ERBB4: variants seen among roughly 807,000 people sequenced by gnomAD.
The protein encoded by ERBB4 is receptor tyrosine-protein kinase erbB-4.
In ERBB4, 42 loss-of-function variants were observed where a neutral mutation model predicts 158.0. That is an observed-to-expected ratio of 0.27 (90% CI 0.21 to 0.34). ERBB4 has a LOEUF of 0.34. Among genes scored for constraint, ERBB4 ranks in the 10% least tolerant of loss-of-function variants. The pLI is 1.00. For missense variants in ERBB4, 1,333 were observed against 1,624.1 expected (o/e 0.82, Z 3.08); for synonymous variants, 583 against 558.7 (o/e 1.04, Z -0.61).
chr2:211,554,310 G>C (rs1260556620), intron 20 of ERBB4, among the ~76,000 whole-genome samples: 1 of 152,188 alleles, frequency 6.6e-6, no homozygotes, highest in Non-Finnish European at 1.5e-5. Flanking sequence ...GAAATAATGA[G>C]CCATATCTGC....
At chr2:212,197,654 A>G (rs568791280) in intron 1 of ERBB4, among the ~76,000 whole-genome samples, 1 of 152,280 alleles carries the variant, frequency 6.6e-6, no homozygotes, top group African/African-American at 2.4e-5. Context: ...CACTGTGTTT[A>G]TAACTCCAGA....
At chr2:212,073,228 T>C (rs994756900) in intron 2 of ERBB4, among the ~76,000 whole-genome samples, 1 of 151,972 alleles carries the variant, frequency 6.6e-6, no homozygotes, top group Non-Finnish European at 1.5e-5. Context: ...ATATGAAAGA[T>C]ACTCATCTTT....
chr2:211,698,622 A>G (rs867467530), intron 12 of ERBB4, among the ~76,000 whole-genome samples: 152 of 152,140 alleles, frequency 1.0e-3, no homozygotes, highest in African/African-American at 3.3e-3. Context: ...TTTTATTTTG[A>G]AAATCAATAA....
At chr2:211,777,563 T>C (rs13008313) in intron 4 of ERBB4, 54,298 of 151,940 alleles carry the variant, frequency 0.36, 10,091 homozygotes, top group South Asian at 0.57. Flanking sequence ...CCACTAATTC[T>C]ACTATCCCTA....
intron 1 of ERBB4, among the ~76,000 whole-genome samples, chr2:212,205,009 G>A (rs1374340335): frequency 6.6e-6 from 1 of 151,478 alleles, no homozygotes; most frequent in East Asian, 2.0e-4. Flanking sequence ...GGAGAGACTG[G>A]GTTTCTCCAT....
intron 1 of ERBB4, among the ~76,000 whole-genome samples, chr2:212,390,165 G>A (rs1322652214): frequency 6.6e-6 from 1 of 151,682 alleles, no homozygotes. Context: ...AACATCTCAG[G>A]AATTTTCATT....
At chr2:211,679,870 G>A (rs1294007586) in intron 12 of ERBB4, among the ~76,000 whole-genome samples, 1 of 152,198 alleles carries the variant, frequency 6.6e-6, no homozygotes, top group Admixed American at 6.5e-5. Context: ...AGTAGAAACA[G>A]GGTTTCACCA....
chr2:212,385,739 T>G (rs1221568005), intron 1 of ERBB4, among the ~76,000 whole-genome samples: 2 of 151,876 alleles, frequency 1.3e-5, no homozygotes, highest in East Asian at 3.9e-4. Context: ...AATATTCATA[T>G]AAACTTCAAG....
At chr2:212,039,857 G>T (rs1025417064) in intron 2 of ERBB4, among the ~76,000 whole-genome samples, 2 of 151,902 alleles carry the variant, frequency 1.3e-5, no homozygotes, top group Non-Finnish European at 2.9e-5. Flanking sequence ...GAAAAGAAAA[G>T]AAAAGGAAAG....
chr2:212,035,427 T>C (rs1289531165), intron 2 of ERBB4, among the ~76,000 whole-genome samples: 1 of 152,182 alleles, frequency 6.6e-6, no homozygotes, highest in Non-Finnish European at 1.5e-5. Flanking sequence ...TTCTAACTAG[T>C]TCCATCCACA....
intron 1 of ERBB4, among the ~76,000 whole-genome samples, chr2:212,471,304 AC>A (rs756509684): frequency 6.6e-6 from 1 of 152,034 alleles, no homozygotes; most frequent in Non-Finnish European, 1.5e-5. Context: ...ATGTTCATCA[AC>A]AAACTTCTAA....
chr2:211,573,225 C>T (rs1559309267), intron 19 of ERBB4, among the ~76,000 whole-genome samples: 1 of 152,102 alleles, frequency 6.6e-6, no homozygotes, highest in African/African-American at 2.4e-5. Context: ...ACATCTGTAG[C>T]CACCCGCAGC....
intron 2 of ERBB4, among the ~76,000 whole-genome samples, chr2:212,079,223 T>A (rs972527799): frequency 5.1e-5 from 1 of 19,780 alleles, no homozygotes; most frequent in African/African-American, 6.3e-5. Context: ...ATTGCCAAAT[T>A]TCACCCCCCA....
chr2:212,227,967 T>C (rs2083530540), intron 1 of ERBB4, among the ~76,000 whole-genome samples: 1 of 152,210 alleles, frequency 6.6e-6, no homozygotes, highest in South Asian at 2.1e-4. Flanking sequence ...CATGGCTTTC[T>C]GCCAATCAAG....
chr2:211,831,405 C>T (rs1008953996), intron 3 of ERBB4, among the ~76,000 whole-genome samples: 1 of 152,090 alleles, frequency 6.6e-6, no homozygotes, highest in African/African-American at 2.4e-5. Context: ...AAAACTTTAG[C>T]CAGATGTCAC....
intron 20 of ERBB4, among the ~76,000 whole-genome samples, chr2:211,540,448 T>G (rs1212176935): frequency 6.6e-6 from 1 of 151,966 alleles, no homozygotes; most frequent in Non-Finnish European, 1.5e-5. Context: ...GAACGACACC[T>G]GATGGGGACT....
rs775104827 is a variant in ERBB4 at position 212,320,780 on chromosome 2, T to G, written c.83-195877A>C. ...GTTTTAGTAACAGGAGGATCATGAT[T>G]ACTTGCCCTATATAACCTCCCCGTG... On this transcript the variant is annotated intron_variant, in intron 1 of 27. Coordinates refer to ENST00000342788, the MANE Select transcript of ERBB4 (RefSeq NM_005235.3). Among the ~76,000 whole-genome samples the G allele has an allele frequency of 4.5e-4, 68 of 150,366 alleles. 4 individuals carry two copies. Among genetic ancestry groups the G allele is most frequent in the South Asian group, 8.5e-4 (4 of 4,702 alleles).
intron 1 of ERBB4, among the ~76,000 whole-genome samples, chr2:212,140,489 G>A (rs1389940895): frequency 2.7e-5 from 4 of 146,148 alleles, no homozygotes; most frequent in Admixed American, 6.9e-5. Flanking sequence ...TTTAAGTATT[G>A]TAAATGTAAA....
chr2:211,613,708 A>T (rs2069282702), intron 19 of ERBB4, among the ~76,000 whole-genome samples: 1 of 152,054 alleles, frequency 6.6e-6, no homozygotes, highest in Non-Finnish European at 1.5e-5. Context: ...AATCAAAACT[A>T]CCATGGGATA....
Sources: gnomAD v4.1 joint callset for allele counts (sites outside exome capture counted in the v4.1 genomes callset) on GRCh38, gnomAD v4.1.1 for gene constraint, MANE v1.5 for transcripts, NCBI Gene and HGNC (gene_info 2026-07-23, HGNC 2026-07-21) for gene names.